The following GALNT17 variants were observed in gnomAD, a reference collection of about 807,000 sequenced individuals.
GALNT17 encodes the protein polypeptide N-acetylgalactosaminyltransferase 17.
A neutral mutation model predicts 63.7 loss-of-function variants in GALNT17; 29 were observed. The observed-to-expected ratio is 0.46, with a 90% CI of 0.34 to 0.62. The LOEUF is 0.62. GALNT17 is among the 20% of genes least tolerant of loss of function. The pLI is 0.01. For missense variants in GALNT17, 603 were observed against 799.6 expected (o/e 0.75, Z 2.97); for synonymous variants, 305 against 318.3 (o/e 0.96, Z 0.45).
intron 2 of GALNT17, among the ~76,000 whole-genome samples, chr7:71,342,453 A>G (rs940100474): frequency 6.6e-6 from 1 of 152,196 alleles, no homozygotes; most frequent in Non-Finnish European, 1.5e-5. Context: ...ACATTTCAAC[A>G]TGAGATTTGG....
At chr7:71,405,875 C>T (rs1489516724) in intron 3 of GALNT17, among the ~76,000 whole-genome samples, 1 of 152,206 alleles carries the variant, frequency 6.6e-6, no homozygotes, top group Admixed American at 6.5e-5. Context: ...GGAACACAGA[C>T]ATTCAGCACA....
chr7:71,246,115 G>T lies in GALNT17; in HGVS notation c.239-89435G>T, dbSNP rs867779358. On this transcript the variant is annotated intron_variant, in intron 1 of 10. Coordinates refer to ENST00000333538, the MANE Select transcript of GALNT17 (RefSeq NM_022479.3). ...TGATGGCCTCATAGCTTTTTTCGTTGTTTTTTTTTTTTTTTTTTTTTTTTG... is the reference window on the plus strand; with the variant it reads ...TGATGGCCTCATAGCTTTTTTCGTTTTTTTTTTTTTTTTTTTTTTTTTTTG... Among the ~76,000 whole-genome samples, 95 of 91,998 alleles carry T rather than the reference G, an allele frequency of 1.0e-3. 1 individual carries two copies. Among genetic ancestry groups the T allele is most frequent in the African/African-American group, 3.1e-3 (77 of 24,632 alleles). 60.4% of individuals were successfully genotyped at this position (91,998 alleles called of 152,430 possible).
chr7:71,618,985 G>T (rs555380635), intron 6 of GALNT17, among the ~76,000 whole-genome samples: 1 of 152,280 alleles, frequency 6.6e-6, no homozygotes, highest in East Asian at 1.9e-4. Flanking sequence ...GTTAATTTTT[G>T]TATATGGTCA....
chr7:71,429,049 C>G (rs1786812935), intron 5 of GALNT17, among the ~76,000 whole-genome samples: 1 of 152,186 alleles, frequency 6.6e-6, no homozygotes, highest in African/African-American at 2.4e-5. Flanking sequence ...ACTTACTTAT[C>G]CAAAGTATTC....
intron 3 of GALNT17, among the ~76,000 whole-genome samples, chr7:71,404,660 T>C (rs905941457): frequency 6.6e-6 from 1 of 152,224 alleles, no homozygotes; most frequent in Non-Finnish European, 1.5e-5. Flanking sequence ...GCCCATGCCA[T>C]AGTGGCAAGG....
chr7:71,223,170 G>A (rs1366548462), intron 1 of GALNT17, among the ~76,000 whole-genome samples: 1 of 152,146 alleles, frequency 6.6e-6, no homozygotes, highest in African/African-American at 2.4e-5. Context: ...TATACTCGGA[G>A]GCTATGCAAA....
intron 1 of GALNT17, among the ~76,000 whole-genome samples, chr7:71,328,782 G>A (rs1791749291): frequency 6.6e-6 from 1 of 151,912 alleles, no homozygotes; most frequent in African/African-American, 2.4e-5. Flanking sequence ...TCTTTTTGGA[G>A]GCTGTTAAGT....
intron 2 of GALNT17, among the ~76,000 whole-genome samples, chr7:71,376,474 G>A (rs1185530016): frequency 2.8e-5 from 3 of 106,068 alleles, no homozygotes; most frequent in African/African-American, 1.1e-4. Context: ...AATTCATCAA[G>A]ATAAGCTGTA....
chr7:71,179,438 T>C (rs1421005336), intron 1 of GALNT17, among the ~76,000 whole-genome samples: 1 of 152,266 alleles, frequency 6.6e-6, no homozygotes, highest in African/African-American at 2.4e-5. Flanking sequence ...CTCCTGAGGC[T>C]GTGTCACAGG....
chr7:71,538,279 G>A (rs1788832169), intron 5 of GALNT17, among the ~76,000 whole-genome samples: 1 of 152,078 alleles, frequency 6.6e-6, no homozygotes, highest in African/African-American at 2.4e-5. Context: ...TGAAACCCTG[G>A]AAGGCAGAGC....
intron 5 of GALNT17, among the ~76,000 whole-genome samples, chr7:71,461,266 A>C (rs1787446346): frequency 6.6e-6 from 1 of 152,254 alleles, no homozygotes; most frequent in African/African-American, 2.4e-5. Flanking sequence ...CACTGTGAAC[A>C]TTGGAAATAC....
intron 5 of GALNT17, among the ~76,000 whole-genome samples, chr7:71,472,281 G>T (rs763575858): frequency 6.6e-6 from 1 of 152,118 alleles, no homozygotes; most frequent in South Asian, 2.1e-4. Context: ...TGGAGGTTAG[G>T]GTTTCAACAT....
intron 1 of GALNT17, among the ~76,000 whole-genome samples, chr7:71,290,834 C>T (rs565858367): frequency 1.3e-5 from 2 of 152,194 alleles, no homozygotes; most frequent in South Asian, 2.1e-4. Context: ...TTATAAAAGG[C>T]GGTAATTGGA....
At chr7:71,405,532 G>A (rs1488635673) in intron 3 of GALNT17, among the ~76,000 whole-genome samples, 5 of 152,182 alleles carry the variant, frequency 3.3e-5, no homozygotes, top group Admixed American at 6.5e-5. Flanking sequence ...AAATAATACC[G>A]TAACTACTTT....
chr7:71,242,240 A>ATTTTTTTTTTT (rs763751556), intron 1 of GALNT17, among the ~76,000 whole-genome samples: 1 of 122,694 alleles, frequency 8.2e-6, no homozygotes, highest in Non-Finnish European at 1.7e-5. Flanking sequence ...TAGGGATCAC[A>ATTTTTTTTTTT]TTTCTTTTTT....
chr7:71,564,953 A>G (rs1006774630), intron 5 of GALNT17, among the ~76,000 whole-genome samples: 2 of 152,172 alleles, frequency 1.3e-5, no homozygotes, highest in Non-Finnish European at 2.9e-5. Context: ...CACCATCCAG[A>G]TAAAACCCAG....
chr7:71,580,594 AG>A (rs1480710499), intron 6 of GALNT17, among the ~76,000 whole-genome samples: 3 of 152,160 alleles, frequency 2.0e-5, no homozygotes, highest in South Asian at 2.1e-4. Flanking sequence ...ACTCAGGAAA[AG>A]CTGGTGAGGA....
At chr7:71,335,917 C>G (rs761124425) in intron 2 of GALNT17, among the ~76,000 whole-genome samples, 184 bp downstream of exon 2, 9 of 151,900 alleles carry the variant, frequency 5.9e-5, no homozygotes, top group Non-Finnish European at 8.8e-5. Flanking sequence ...CAAAAAAGTT[C>G]AGTTGTTATC....
At chr7:71,641,102 C>T (rs1235102272) in intron 6 of GALNT17, among the ~76,000 whole-genome samples, 1 of 152,162 alleles carries the variant, frequency 6.6e-6, no homozygotes, top group East Asian at 1.9e-4. Context: ...CAGCCCAGAC[C>T]AGAGGTCTGT....
Sources: allele counts gnomAD v4.1 joint callset (sites outside exome capture counted in the v4.1 genomes callset), GRCh38; gene constraint gnomAD v4.1.1; transcripts MANE v1.5; gene names NCBI Gene and HGNC (gene_info 2026-07-23, HGNC 2026-07-21).